The following GRIK4 variants were observed in gnomAD, a reference collection of about 807,000 sequenced individuals.
The protein encoded by GRIK4 is glutamate ionotropic receptor kainate type subunit 4, also known as glutamate receptor ionotropic, kainate 4.
A neutral mutation model predicts 104.9 loss-of-function variants in GRIK4; 40 were observed. The ratio of observed to expected loss-of-function variants is 0.38; its 90% CI spans 0.30 to 0.50. The LOEUF (loss-of-function observed/expected upper bound fraction) is 0.50, where lower values mean the gene tolerates loss of function less well. Among genes scored for constraint, GRIK4 ranks in the 20% least tolerant of loss-of-function variants. GRIK4 has a pLI of 0.93. For synonymous variants in GRIK4, 485 were observed against 524.9 expected, an observed-to-expected ratio of 0.92 and a Z score of 1.04; for missense variants, 1,047 against 1,308.1, an observed-to-expected ratio of 0.80 and a Z score of 3.08.
intron 13 of GRIK4, among the ~76,000 whole-genome samples, chr11:120,913,121 A>C (rs1265663821): frequency 6.6e-6 from 1 of 152,224 alleles, no homozygotes; most frequent in Non-Finnish European, 1.5e-5. Flanking sequence ...GAGCTAAGCA[A>C]ACTGAGGTTT....
rs1443151706 is a variant in GRIK4 at position 120,694,718 on chromosome 11, G to GGAGA, written c.82+34318_82+34319insGAGA. ...GGCTTAGGTCTCCTGGGATGCAGCA[G>GGAGA]AGCTCCAGGGGGCCTGGGAGAAGAG... On this transcript the variant is annotated intron_variant, in intron 3 of 20. Coordinates refer to ENST00000527524, the MANE Select transcript of GRIK4 (RefSeq NM_014619.5). Among the ~76,000 whole-genome samples, 8 of 152,300 alleles carry GGAGA rather than the reference G, an allele frequency of 5.3e-5. No homozygotes were observed. In the East Asian group the frequency reaches 1.5e-3, roughly 29 times the overall value.
At chr11:120,516,916 C>T (rs984396498) in intron 1 of GRIK4, among the ~76,000 whole-genome samples, 11 of 152,150 alleles carry the variant, frequency 7.2e-5, no homozygotes, top group Admixed American at 7.2e-4. Flanking sequence ...CCCTGGGCGG[C>T]GGCTGCTGCG....
intron 9 of GRIK4, among the ~76,000 whole-genome samples, chr11:120,863,941 G>T (rs941637776): frequency 6.6e-6 from 1 of 152,158 alleles, no homozygotes; most frequent in Admixed American, 6.5e-5. Context: ...AGAAGGAGCG[G>T]GTTTGAGAAA....
At chr11:120,658,188 T>TTCA (rs1949744517) in intron 2 of GRIK4, among the ~76,000 whole-genome samples, 1 of 152,180 alleles carries the variant, frequency 6.6e-6, no homozygotes, top group Non-Finnish European at 1.5e-5. Context: ...ATTTATGAGA[T>TTCA]TCATCCTTGC....
intron 3 of GRIK4, among the ~76,000 whole-genome samples, chr11:120,708,362 TG>T (rs1201145814): frequency 1.3e-5 from 2 of 152,092 alleles, no homozygotes; most frequent in Non-Finnish European, 2.9e-5. Context: ...AGACCATTTG[TG>T]AGAAAAATAC....
At position 120,953,962 on chromosome 11, in the gene GRIK4, T is replaced by C; in HGVS notation, c.1700+998T>C. Among the ~76,000 whole-genome samples, 1 of 152,158 alleles carries C rather than the reference T, an allele frequency of 6.6e-6. No homozygotes were observed. The highest frequency in any genetic ancestry group is 2.1e-4 in the South Asian group (1 of 4,832). On this transcript the variant is annotated intron_variant, in intron 15 of 20. Coordinates refer to ENST00000527524, the MANE Select transcript of GRIK4 (RefSeq NM_014619.5). This position sits in a 1 kb window ranked among gnomAD's most constrained non-coding sequence, Gnocchi z 4.9. ...CGTGGCTCTGGTTTGCAGGTGTCTC[T>C]TCAGTTGTTACCTTTGCCTCTAGGC... is the stretch of plus-strand genomic sequence containing the variant.
At chr11:120,743,514 A>G (rs1473960198) in intron 3 of GRIK4, among the ~76,000 whole-genome samples, 1 of 152,168 alleles carries the variant, frequency 6.6e-6, no homozygotes, top group Non-Finnish European at 1.5e-5. Context: ...CTGCACAACA[A>G]ATCCCTGTTA....
Position 120,962,463 on chromosome 11 carries a change from G to T in GRIK4, c.2048G>T (p.Arg683Leu). The stretch of plus-strand genomic sequence containing the variant: ...CTTTTGTTCTTTTCCCAGAATTCCC[G>T]CTACCAGACCTACCAACGCATGTGG... ...GSSMTFFQNS[R>L]YQTYQRMWNY... Residue 683 changes from arginine to leucine, a missense_variant, in exon 18 of 21, where the codon CGC (arginine) becomes CTC (leucine). Physicochemically the swap from Arg to Leu is moderately radical, Grantham distance 102 (BLOSUM62 -2). Around this residue, in one of 3 missense-constraint regions of GRIK4, gnomAD observed 440 missense variants for 652.3 expected, o/e 0.67. Coordinates refer to ENST00000527524, the MANE Select transcript of GRIK4 (RefSeq NM_014619.5). The T allele has an allele frequency of 6.2e-7, 1 of 1,607,284 alleles. No homozygotes were observed. Among genetic ancestry groups the T allele is most frequent in the Non-Finnish European group, 8.5e-7 (1 of 1,175,046 alleles).
rs923634058 is a variant in GRIK4 at position 120,549,131 on chromosome 11, C to T, written c.-159+37244C>T. Among the ~76,000 whole-genome samples, 1 of 151,840 alleles carries T rather than the reference C, an allele frequency of 6.6e-6. No individual in the cohort carries two copies. Among genetic ancestry groups the T allele is most frequent in the Admixed American group, 6.6e-5 (1 of 15,256 alleles). On this transcript the variant is annotated intron_variant, in intron 1 of 20. Transcript: ENST00000527524. The surrounding 1 kb of genome is among the most constrained non-coding windows in gnomAD (Gnocchi z 4.7). ...TTTTTTTCACTGAGACAGAGTCTTGCCTTGTTGCCCAGGCTGGAGTGCAGT... is the reference window on the plus strand; with the variant it reads ...TTTTTTTCACTGAGACAGAGTCTTGTCTTGTTGCCCAGGCTGGAGTGCAGT...
chr11:120,909,558 T>C (rs140887457), intron 13 of GRIK4, among the ~76,000 whole-genome samples: 31 of 152,202 alleles, frequency 2.0e-4, no homozygotes, highest in African/African-American at 7.2e-4. Flanking sequence ...AGAAAGAGAA[T>C]GTGTACAAGG....
chr11:120,755,993 G>C (rs1195335735), intron 3 of GRIK4, among the ~76,000 whole-genome samples: 1 of 152,192 alleles, frequency 6.6e-6, no homozygotes, highest in South Asian at 2.1e-4. Flanking sequence ...GAGGTGTTCT[G>C]TCTCCAGCAT....
At chr11:120,921,329 T>C (rs1033152713) in intron 13 of GRIK4, among the ~76,000 whole-genome samples, 1 of 152,220 alleles carries the variant, frequency 6.6e-6, no homozygotes, top group Non-Finnish European at 1.5e-5. Flanking sequence ...CTCTGGCATA[T>C]AGCACTCACT....
At chr11:120,882,681 T>TAAA (rs1954999749) in intron 11 of GRIK4, among the ~76,000 whole-genome samples, 2 of 152,170 alleles carry the variant, frequency 1.3e-5, no homozygotes, top group South Asian at 4.1e-4. Context: ...ATGTCAAAAA[T>TAAA]TCTTAAGAGT....
At chr11:120,850,707 T>C (rs1953953202) in intron 8 of GRIK4, among the ~76,000 whole-genome samples, 1 of 152,080 alleles carries the variant, frequency 6.6e-6, no homozygotes, top group South Asian at 2.1e-4. Flanking sequence ...CCCTGAGGAA[T>C]TTGGGCCCTG....
chr11:120,682,310 A>G (rs960435499), intron 3 of GRIK4, among the ~76,000 whole-genome samples: 1 of 152,208 alleles, frequency 6.6e-6, no homozygotes, highest in Non-Finnish European at 1.5e-5. Flanking sequence ...AGAAGGCAAG[A>G]TGGTGGCAGC....
chr11:120,733,801 G>A (rs983595857), intron 3 of GRIK4, among the ~76,000 whole-genome samples: 8 of 149,786 alleles, frequency 5.3e-5, no homozygotes, highest in Admixed American at 1.3e-4. Flanking sequence ...ATGGTGGCAC[G>A]ATCTTGGCTC....
intron 1 of GRIK4, among the ~76,000 whole-genome samples, chr11:120,557,081 G>A (rs1451424532): frequency 1.3e-5 from 2 of 152,148 alleles, no homozygotes; most frequent in Non-Finnish European, 2.9e-5. Context: ...TGAGGCTTCT[G>A]TTACCCTGAC....
At position 120,698,109 on chromosome 11, in the gene GRIK4, A is replaced by G. The variant is rs1231228431; in HGVS notation, c.82+37709A>G. On this transcript the variant is annotated intron_variant, in intron 3 of 20. Transcript: ENST00000527524. ...TTCTCCACTCAACCCTGTCCATTTT[A>G]CAAGTGTTTTGAAAAAACCTACTTT... 2.0e-5 allele frequency among the ~76,000 whole-genome samples: 3 copies of G among 152,250 alleles called. No homozygotes were observed. In the South Asian group the frequency reaches 6.2e-4, roughly 32 times the overall value.
intron 8 of GRIK4, among the ~76,000 whole-genome samples, chr11:120,838,118 C>T (rs905312322): frequency 6.6e-6 from 1 of 152,186 alleles, no homozygotes; most frequent in African/African-American, 2.4e-5. Context: ...CAGTGTACCA[C>T]TATTTCCCAT....
Sources: allele counts gnomAD v4.1 joint callset (sites outside exome capture counted in the v4.1 genomes callset), GRCh38; gene constraint gnomAD v4.1.1; regional missense constraint gnomAD v4.1.1; non-coding constraint Gnocchi (gnomAD v3.1); transcripts MANE v1.5; gene names NCBI Gene and HGNC (gene_info 2026-07-23, HGNC 2026-07-21).